SLTM: variants seen among roughly 807,000 people sequenced by gnomAD.
SLTM encodes the protein SAFB-like transcription modulator.
A neutral mutation model predicts 134.6 loss-of-function variants in SLTM; 43 were observed. The observed-to-expected ratio is 0.32, with a 90% confidence interval of 0.25 to 0.41. SLTM has a LOEUF of 0.41. Ranked by LOEUF, SLTM falls within the 10% of genes least tolerant of loss-of-function variation. SLTM has a pLI of 1.00. For missense variants in SLTM, 1,055 were observed against 1,288.8 expected, an observed-to-expected ratio of 0.82 and a Z score of 2.78; for synonymous variants, 424 against 432.3, an observed-to-expected ratio of 0.98 and a Z score of 0.24.
chr15:58,881,094 G>A lies in SLTM; in HGVS notation c.2997-987C>T, dbSNP rs566901222. ...AGCACTTTGGGAGGCCGAGGCGGGC[G>A]GATCAAGGAGAATTGCCTGAACCCG... On this transcript the variant is annotated intron_variant, in intron 20 of 20. Transcript: ENST00000380516. Among the ~76,000 whole-genome samples the A allele has an allele frequency of 1.3e-4, 19 of 151,992 alleles. No homozygotes were observed. The South Asian group carries it at 3.7e-3, about 30-fold the overall frequency.
chr15:58,930,050 G>A (rs1401807491), intron 2 of SLTM, among the ~76,000 whole-genome samples: 1 of 152,086 alleles, frequency 6.6e-6, no homozygotes, highest in Admixed American at 6.5e-5. Context: ...CGGATTTCAA[G>A]AAGACTAGAG....
rs1308318672 is a variant in SLTM at position 58,912,585 on chromosome 15, T to C, written c.539A>G (p.Asp180Gly). Residue 180 changes from aspartate to glycine, a missense_variant, in exon 5 of 21, where the codon GAT becomes GGT. This residue lies in a region of SLTM where 268 missense variants were observed against 284.3 expected (regional missense o/e 0.94). Coordinates refer to ENST00000380516, the MANE Select transcript of SLTM (RefSeq NM_024755.4). Reference sequence around the variant, plus strand: ...TACTTGGGCTGTTAGAAAGGTATCATCTTCACCTTCTTGAGCTTCAATTTC... The same window carrying C: ...TACTTGGGCTGTTAGAAAGGTATCACCTTCACCTTCTTGAGCTTCAATTTC... ...SQEIEAQEGE[D>G]DTFLTAQDGE... is the part of the protein sequence containing the mutation. The C allele has an allele frequency of 6.2e-7, 1 of 1,610,780 alleles. No homozygotes were observed. Among genetic ancestry groups the C allele is most frequent in the Non-Finnish European group, 8.5e-7 (1 of 1,178,164 alleles).
At chr15:58,902,299 G>A (rs2035537484) in intron 5 of SLTM, among the ~76,000 whole-genome samples, 1 of 151,988 alleles carries the variant, frequency 6.6e-6, no homozygotes, top group South Asian at 2.1e-4. Context: ...TCGAACTCCT[G>A]GCCTCAAGCT....
intron 2 of SLTM, among the ~76,000 whole-genome samples, chr15:58,920,245 G>A (rs749023193): frequency 9.9e-5 from 15 of 151,798 alleles, no homozygotes; most frequent in Non-Finnish European, 1.5e-4. Flanking sequence ...CACTTGAACC[G>A]GGGAAGTGGA....
At chr15:58,932,247 A>G (rs753789108) in intron 2 of SLTM, 109 bp downstream of exon 2, 1 of 783,158 alleles carries the variant, frequency 1.3e-6, no homozygotes, top group Non-Finnish European at 2.2e-6. Context: ...AGACTGCCAG[A>G]GGGAAATAGC....
chr15:58,902,713 T>C (rs578252118), intron 5 of SLTM, among the ~76,000 whole-genome samples: 6 of 151,028 alleles, frequency 4.0e-5, no homozygotes, highest in Non-Finnish European at 8.8e-5. Flanking sequence ...ATAACTTGTT[T>C]TGTATGTTTT....
At chr15:58,904,910 C>T (rs1189197997) in intron 5 of SLTM, among the ~76,000 whole-genome samples, 1 of 152,126 alleles carries the variant, frequency 6.6e-6, no homozygotes, top group East Asian at 1.9e-4. Flanking sequence ...GGGGTTTCAC[C>T]TTGTTGGCCA....
chr15:58,887,168 CT>C, intron 18 of SLTM, 49 bp from the exon 19 acceptor site: 1 of 1,612,216 alleles, frequency 6.2e-7, no homozygotes, highest in Non-Finnish European at 8.5e-7. Context: ...GTAATCTTAA[CT>C]TTTTTTAACC....
rs1316455257 is a variant in SLTM at position 58,890,325 on chromosome 15, T to C, written c.2035A>G (p.Met679Val). The C allele has an allele frequency of 6.2e-7, 1 of 1,607,960 alleles. No individual in the cohort carries two copies. The highest frequency in any genetic ancestry group is 8.5e-7 in the Non-Finnish European group (1 of 1,175,692). Residue 679 changes from methionine (M) to valine (V), a missense_variant, in exon 15 of 21, where the codon ATG (methionine) becomes GTG (valine). Transcript: ENST00000380516. ...IERQKLERER[M>V]ERERLERERI... ...TCCCTTTCCAAGCGTTCGCGTTCCA[T>C]TCTCTCTCTCTCTAGTTTTTGCCTT...
intron 2 of SLTM, among the ~76,000 whole-genome samples, chr15:58,924,825 T>A (rs1387127344): frequency 6.6e-6 from 1 of 152,170 alleles, no homozygotes; most frequent in African/African-American, 2.4e-5. Context: ...ACTTAATAAT[T>A]AGTTTCTTTT....
At chr15:58,898,926 T>A in intron 7 of SLTM, 74 bp from the exon 8 acceptor site, 1 of 1,087,500 alleles carries the variant, frequency 9.2e-7, no homozygotes, top group Non-Finnish European at 1.4e-6. Context: ...AGCTTGATAT[T>A]TACTATATTT....
At position 58,932,410 on chromosome 15, in the gene SLTM, T is replaced by G. The variant is rs751738807; in HGVS notation, c.196A>C (p.Ile66Leu). 1.9e-6 allele frequency: 3 copies of G among 1,613,410 alleles called. No homozygotes were observed. The South Asian group carries it at 3.3e-5, about 18-fold the overall frequency. Residue 66 changes from isoleucine to leucine, a missense_variant, in exon 2 of 21, where the codon ATT (isoleucine) becomes CTT (leucine). By Grantham distance (5) the Ile-to-Leu change is conservative. Coordinates refer to ENST00000380516, the MANE Select transcript of SLTM (RefSeq NM_024755.4). Reference sequence around the variant, plus strand: ...GTATCAGTTGAAACAGTTAATTCAATATTATCTGGATCGCCTCCTTCCTCT... The same window carrying G: ...GTATCAGTTGAAACAGTTAATTCAAGATTATCTGGATCGCCTCCTTCCTCT... The part of the protein sequence containing the change: ...IEEEGGDPDN[I>L]ELTVSTDTPN...
At position 58,883,694 on chromosome 15, in the gene SLTM, A is replaced by G; in HGVS notation, c.2928T>C (p.Pro976=). ...CCATTCGCCTCGTATCATGATAGCT[A>G]GGCCCTTGAGAGGGTGGACCATGCC... The part of the protein sequence containing the change: ...KEWHGPPSQG[P]SYHDTRRMGD... The change falls in exon 20 of 21, where the codon CCT becomes CCC. Residue 976 remains proline, a synonymous_variant. Coordinates refer to ENST00000380516, the MANE Select transcript of SLTM (RefSeq NM_024755.4). The G allele has an allele frequency of 1.2e-6, 2 of 1,614,058 alleles. No individual in the cohort carries two copies. The highest frequency in any genetic ancestry group is 1.7e-6 in the Non-Finnish European group (2 of 1,180,016).
intron 9 of SLTM, among the ~76,000 whole-genome samples, chr15:58,894,989 G>C (rs907868602): frequency 1.3e-5 from 2 of 152,178 alleles, no homozygotes; most frequent in Non-Finnish European, 2.9e-5. Context: ...ACAAGCATGA[G>C]CCACTGCAGC....
At position 58,890,456 on chromosome 15, in the gene SLTM, C is replaced by T; in HGVS notation, c.1904G>A (p.Arg635Lys). ...TCGACGCTCTCTCTCTGCAATCTCT[C>T]TTCGTCTACCAAAAATCAGTATTTA... ...LRRAMELRRR[R>K]EIAERERRER... Residue 635 changes from arginine to lysine, a missense_variant, in exon 15 of 21, where the codon AGA becomes AAA. Around this residue, in one of 3 missense-constraint regions of SLTM, gnomAD observed 776 missense variants for 962.2 expected, o/e 0.81. Transcript: ENST00000380516. 6.2e-7 allele frequency: 1 copy of T among 1,613,184 alleles called. No individual in the cohort carries two copies. The highest frequency in any genetic ancestry group is 8.5e-7 in the Non-Finnish European group (1 of 1,179,864).
At chr15:58,886,519 G>A (rs923599851) in intron 19 of SLTM, among the ~76,000 whole-genome samples, 3 of 151,968 alleles carry the variant, frequency 2.0e-5, no homozygotes, top group African/African-American at 4.8e-5. Context: ...TGCCCACCTC[G>A]GCCTCCCACA....
At position 58,887,097 on chromosome 15, in the gene SLTM, C is replaced by T. The variant is rs2034274449; in HGVS notation, c.2713G>A (p.Gly905Arg). Residue 905 changes from glycine to arginine, a missense_variant, in exon 19 of 21, where the codon GGG (glycine) becomes AGG (arginine). Around this residue, in one of 3 missense-constraint regions of SLTM, gnomAD observed 776 missense variants for 962.2 expected, o/e 0.81. Transcript: ENST00000380516. ...ETRVERPERS[G>R]REVSGHSVRG... ...ACACTGTGCCCTGATACTTCTCTCC[C>T]AGATCGTTCTGGCCTTTCAACTCTG... is the stretch of plus-strand genomic sequence containing the variant. 1 of 1,614,110 alleles carries T rather than the reference C, an allele frequency of 6.2e-7. No individual in the cohort carries two copies. The highest frequency in any genetic ancestry group is 8.5e-7 in the Non-Finnish European group (1 of 1,180,008).
At chr15:58,925,480 C>T (rs762672287) in intron 2 of SLTM, among the ~76,000 whole-genome samples, 1 of 152,044 alleles carries the variant, frequency 6.6e-6, no homozygotes, top group East Asian at 1.9e-4. Context: ...TAAGGTTACA[C>T]GTGCCCAACA....
intron 10 of SLTM, 34 bp from the exon 11 acceptor site, chr15:58,894,227 A>G (rs1416801671): frequency 1.3e-6 from 2 of 1,521,758 alleles, no homozygotes; most frequent in South Asian, 1.2e-5. Context: ...CAATTTGTAC[A>G]TATGGTTACA....
Sources: gnomAD v4.1 joint callset for allele counts (sites outside exome capture counted in the v4.1 genomes callset) on GRCh38, gnomAD v4.1.1 for gene constraint, gnomAD v4.1.1 regional missense constraint, MANE v1.5 for transcripts, NCBI Gene and HGNC (gene_info 2026-07-23, HGNC 2026-07-21) for gene names.